CCSER1: variants seen among roughly 807,000 people sequenced by gnomAD.
The protein encoded by CCSER1 is serine-rich coiled-coil domain-containing protein 1.
A neutral mutation model predicts 82.0 loss-of-function variants in CCSER1; 41 were observed. The ratio of observed to expected loss-of-function variants is 0.50; its 90% CI spans 0.39 to 0.65. The LOEUF (loss-of-function observed/expected upper bound fraction) is 0.65, where lower values mean the gene tolerates loss of function less well. CCSER1 is among the 30% of genes least tolerant of loss of function. The pLI is 0.00. For synonymous variants in CCSER1, 414 were observed against 383.9 expected (o/e 1.08, Z -0.92); for missense variants, 1,119 against 1,064.2 (o/e 1.05, Z -0.72).
At chr4:90,729,520 C>T (rs982984381) in intron 7 of CCSER1, among the ~76,000 whole-genome samples, 2 of 151,954 alleles carry the variant, frequency 1.3e-5, no homozygotes, top group Admixed American at 6.6e-5. Flanking sequence ...TGAGGGAAAA[C>T]TGGTAAATAT....
intron 10 of CCSER1, among the ~76,000 whole-genome samples, chr4:91,421,621 T>C (rs1031024990): frequency 6.6e-6 from 1 of 152,080 alleles, no homozygotes; most frequent in Non-Finnish European, 1.5e-5. Flanking sequence ...CACCTGTCTG[T>C]ATATCTTGTA....
intron 10 of CCSER1, among the ~76,000 whole-genome samples, chr4:91,330,739 A>T (rs1331262230): frequency 6.6e-6 from 1 of 152,202 alleles, no homozygotes; most frequent in East Asian, 1.9e-4. Context: ...TATAACAAGT[A>T]TCCTTCCCAA....
At chr4:90,912,173 A>T (rs1726496877) in intron 8 of CCSER1, among the ~76,000 whole-genome samples, 1 of 152,198 alleles carries the variant, frequency 6.6e-6, no homozygotes, top group Non-Finnish European at 1.5e-5. Context: ...GAACGGACAG[A>T]CTGCCTCCCC....
chr4:90,932,337 T>G (rs1206545394), intron 9 of CCSER1, among the ~76,000 whole-genome samples: 3 of 152,300 alleles, frequency 2.0e-5, no homozygotes, highest in Middle Eastern at 3.4e-3. Context: ...GATTTGAATT[T>G]AAACTATCAC....
chr4:90,909,478 G>T (rs7683787), intron 8 of CCSER1, among the ~76,000 whole-genome samples: 1 of 151,868 alleles, frequency 6.6e-6, no homozygotes, highest in Non-Finnish European at 1.5e-5. Flanking sequence ...GATATAAAAA[G>T]AAGTGATTGT....
chr4:90,378,437 T>C (rs1355035728), intron 3 of CCSER1, among the ~76,000 whole-genome samples: 2 of 152,202 alleles, frequency 1.3e-5, no homozygotes, highest in African/African-American at 4.8e-5. Context: ...AAAATTAGAA[T>C]TTCATTTCAT....
chr4:90,367,376 A>G (rs995154125), intron 3 of CCSER1, among the ~76,000 whole-genome samples: 1 of 151,914 alleles, frequency 6.6e-6, no homozygotes, highest in Non-Finnish European at 1.5e-5. Context: ...GTCCTCATAT[A>G]TAATATGAGG....
chr4:90,610,653 A>G lies in CCSER1; in HGVS notation c.1725-17372A>G, dbSNP rs1396572019. ...ATGAGAATACATAGAAGTCAAATCAATAATTAAGCAGTACAACAATAAACT... is the reference window on the plus strand; with the variant it reads ...ATGAGAATACATAGAAGTCAAATCAGTAATTAAGCAGTACAACAATAAACT... On this transcript the variant is annotated intron_variant, in intron 5 of 10. Transcript: ENST00000509176. 5.9e-5 allele frequency among the ~76,000 whole-genome samples: 9 copies of G among 152,238 alleles called. 1 individual carries two copies. The highest frequency in any genetic ancestry group is 2.2e-4 in the African/African-American group (9 of 41,466).
chr4:91,118,341 A>G (rs1437180659), intron 10 of CCSER1, among the ~76,000 whole-genome samples: 1 of 138,400 alleles, frequency 7.2e-6, no homozygotes, highest in African/African-American at 2.7e-5. Flanking sequence ...GCTAGAGTGT[A>G]ATGGCTCACT....
At chr4:90,854,075 T>C (rs1764181570) in intron 8 of CCSER1, among the ~76,000 whole-genome samples, 1 of 152,186 alleles carries the variant, frequency 6.6e-6, no homozygotes, top group African/African-American at 2.4e-5. Flanking sequence ...GTCTACCAAA[T>C]GTACAATGAA....
intron 10 of CCSER1, among the ~76,000 whole-genome samples, chr4:91,328,970 T>C (rs1431852020): frequency 6.6e-6 from 1 of 151,174 alleles, no homozygotes; most frequent in Non-Finnish European, 1.5e-5. Flanking sequence ...CCTGCCGCCA[T>C]GTAAGATGTG....
intron 10 of CCSER1, among the ~76,000 whole-genome samples, chr4:91,283,274 G>A (rs1743052694): frequency 6.6e-6 from 1 of 152,036 alleles, no homozygotes; most frequent in Non-Finnish European, 1.5e-5. Context: ...ATATTTTCAT[G>A]TAATAACTTT....
intron 5 of CCSER1, among the ~76,000 whole-genome samples, chr4:90,577,324 G>C (rs1780881011): frequency 6.6e-6 from 1 of 151,966 alleles, no homozygotes; most frequent in African/African-American, 2.4e-5. Flanking sequence ...TCATAAAAAT[G>C]TGAAGAACCT....
intron 7 of CCSER1, among the ~76,000 whole-genome samples, chr4:90,750,432 G>T (rs939819973): frequency 3.3e-5 from 5 of 152,042 alleles, no homozygotes; most frequent in Non-Finnish European, 7.4e-5. Context: ...ACTTTGTTAG[G>T]TGCACAGCTT....
intron 10 of CCSER1, among the ~76,000 whole-genome samples, chr4:91,473,543 C>G (rs1382261495): frequency 1.3e-5 from 2 of 152,032 alleles, no homozygotes; most frequent in African/African-American, 4.8e-5. Context: ...ATTCAACAGA[C>G]TTAGATTAAA....
intron 8 of CCSER1, among the ~76,000 whole-genome samples, chr4:90,854,967 C>CT (rs1764292697): frequency 6.6e-6 from 1 of 150,936 alleles, no homozygotes; most frequent in African/African-American, 2.4e-5. Flanking sequence ...CAAGCACCTT[C>CT]TTCACATAGT....
chr4:91,448,447 AC>A (rs2149416235), intron 10 of CCSER1, among the ~76,000 whole-genome samples: 1 of 152,196 alleles, frequency 6.6e-6, no homozygotes, highest in South Asian at 2.1e-4. Context: ...ATCAAAAACA[AC>A]CAATTACATA....
At chr4:91,033,695 G>A (rs1485927681) in intron 9 of CCSER1, among the ~76,000 whole-genome samples, 2 of 152,152 alleles carry the variant, frequency 1.3e-5, no homozygotes, top group South Asian at 2.1e-4. Context: ...GAGATGAGAT[G>A]AGCAATCTGT....
chr4:90,595,826 C>T (rs1328312321), intron 5 of CCSER1, among the ~76,000 whole-genome samples: 8 of 151,798 alleles, frequency 5.3e-5, no homozygotes, highest in Middle Eastern at 6.4e-3. Flanking sequence ...TAGTCAAGAA[C>T]TTGACATTAT....
Sources: allele counts gnomAD v4.1 joint callset (sites outside exome capture counted in the v4.1 genomes callset), GRCh38; gene constraint gnomAD v4.1.1; transcripts MANE v1.5; gene names NCBI Gene and HGNC (gene_info 2026-07-23, HGNC 2026-07-21).